Variants in LRRTM4 observed in about 807,000 individuals in gnomAD.
The protein encoded by LRRTM4 is leucine rich repeat transmembrane neuronal 4, also known as leucine-rich repeat transmembrane neuronal protein 4.
In LRRTM4, 25 loss-of-function variants were observed where a neutral mutation model predicts 47.6. The observed-to-expected ratio is 0.53, with a 90% CI of 0.38 to 0.73. The LOEUF (loss-of-function observed/expected upper bound fraction) is 0.73, where lower values mean the gene tolerates loss of function less well. Among genes scored for constraint, LRRTM4 ranks in the 30% least tolerant of loss-of-function variants. LRRTM4 has a pLI of 0.00. For missense variants in LRRTM4, 638 were observed against 713.4 expected, an observed-to-expected ratio of 0.89 and a Z score of 1.20; for synonymous variants, 311 against 269.5, an observed-to-expected ratio of 1.15 and a Z score of -1.51.
chr2:77,408,209 T>C (rs1674287081), intron 3 of LRRTM4, among the ~76,000 whole-genome samples: 1 of 152,146 alleles, frequency 6.6e-6, no homozygotes, highest in African/African-American at 2.4e-5. Flanking sequence ...TTTTCCTGTT[T>C]ACGTTTGTTT....
At chr2:77,079,892 AAATTT>A (rs1558567482) in intron 3 of LRRTM4, among the ~76,000 whole-genome samples, 2 of 152,060 alleles carry the variant, frequency 1.3e-5, no homozygotes, top group African/African-American at 2.4e-5. Context: ...AAAACATTTT[AAATTT>A]AATTTTATAT....
intron 3 of LRRTM4, among the ~76,000 whole-genome samples, chr2:77,330,266 AC>A (rs2104248677): frequency 6.6e-6 from 1 of 151,922 alleles, no homozygotes; most frequent in East Asian, 1.9e-4. Flanking sequence ...TTGTTTTTTT[AC>A]TCTTAATTGT....
At chr2:77,288,110 G>A (rs186098856) in intron 3 of LRRTM4, among the ~76,000 whole-genome samples, 1 of 151,936 alleles carries the variant, frequency 6.6e-6, no homozygotes, top group Admixed American at 6.6e-5. Context: ...TGACCCAAGA[G>A]AAATTCTAGA....
intron 3 of LRRTM4, among the ~76,000 whole-genome samples, chr2:77,334,781 C>T (rs1215174537): frequency 2.0e-5 from 3 of 152,130 alleles, no homozygotes; most frequent in African/African-American, 7.2e-5. Context: ...GCATGGTACT[C>T]GGAGATGAAC....
intron 3 of LRRTM4, among the ~76,000 whole-genome samples, chr2:77,096,419 GAA>G (rs927401757): frequency 4.0e-5 from 6 of 151,190 alleles, no homozygotes; most frequent in Admixed American, 3.9e-4. Flanking sequence ...CAGGAGTAAA[GAA>G]AAAAACTCAG....
chr2:76,988,409 C>G (rs1249014425), intron 3 of LRRTM4, among the ~76,000 whole-genome samples: 1 of 151,730 alleles, frequency 6.6e-6, no homozygotes, highest in Admixed American at 6.6e-5. Flanking sequence ...ATATCCTTGA[C>G]CCAGCTGCTA....
At chr2:77,409,844 C>T (rs945457554) in intron 3 of LRRTM4, among the ~76,000 whole-genome samples, 5 of 152,156 alleles carry the variant, frequency 3.3e-5, no homozygotes, top group African/African-American at 4.8e-5. Flanking sequence ...GCAACCTTCT[C>T]GTGAAGCTCT....
intron 3 of LRRTM4, among the ~76,000 whole-genome samples, chr2:77,083,783 CTTTTTTT>C (rs386390525): frequency 0.012 from 639 of 52,380 alleles, 71 homozygotes; most frequent in African/African-American, 0.029. Context: ...ACTGGACACA[CTTTTTTT>C]TTTTTTTTTT....
intron 3 of LRRTM4, among the ~76,000 whole-genome samples, chr2:76,771,241 A>G (rs1052135355): frequency 6.6e-6 from 1 of 152,240 alleles, no homozygotes; most frequent in Admixed American, 6.5e-5. Context: ...GGAGAGCCAC[A>G]GGAGTTGGAA....
At chr2:76,801,775 C>A (rs112675161) in intron 3 of LRRTM4, among the ~76,000 whole-genome samples, 10 of 152,030 alleles carry the variant, frequency 6.6e-5, no homozygotes, top group African/African-American at 1.9e-4. Flanking sequence ...TCATTCACCA[C>A]GATCAAATGA....
intron 3 of LRRTM4, among the ~76,000 whole-genome samples, chr2:76,871,556 T>C (rs1241059284): frequency 2.6e-5 from 4 of 152,176 alleles, no homozygotes; most frequent in Non-Finnish European, 5.9e-5. Flanking sequence ...TACATTTGTA[T>C]GGTAGACAGG....
At chr2:77,260,758 A>T (rs1159807453) in intron 3 of LRRTM4, among the ~76,000 whole-genome samples, 1 of 152,066 alleles carries the variant, frequency 6.6e-6, no homozygotes, top group Non-Finnish European at 1.5e-5. Context: ...AATTGTAATT[A>T]TCCAATTTAG....
At chr2:77,083,412 T>C (rs765611768) in intron 3 of LRRTM4, among the ~76,000 whole-genome samples, 6 of 152,152 alleles carry the variant, frequency 3.9e-5, no homozygotes, top group South Asian at 2.1e-4. Context: ...AGATGTGCCA[T>C]AGACTGAAGT....
At chr2:76,916,384 CAAAAAAAAAAAAAA>C (rs57874749) in intron 3 of LRRTM4, among the ~76,000 whole-genome samples, 2 of 53,508 alleles carry the variant, frequency 3.7e-5, no homozygotes, top group South Asian at 1.2e-3. Flanking sequence ...GACTGTGTCT[CAAAAAAAAAAAAAA>C]AAAAAAAAAG....
At chr2:76,874,667 T>C (rs1240024379) in intron 3 of LRRTM4, among the ~76,000 whole-genome samples, 1 of 151,942 alleles carries the variant, frequency 6.6e-6, no homozygotes, top group Admixed American at 6.6e-5. Flanking sequence ...CTATTTTAGA[T>C]AGTGATTCAG....
chr2:77,092,411 G>A (rs1004677025), intron 3 of LRRTM4, among the ~76,000 whole-genome samples: 1 of 149,362 alleles, frequency 6.7e-6, no homozygotes, highest in Non-Finnish European at 1.5e-5. Context: ...GGCAGGTTAT[G>A]CTATAGTACA....
chr2:76,872,998 G>A (rs187929831), intron 3 of LRRTM4, among the ~76,000 whole-genome samples: 5 of 152,202 alleles, frequency 3.3e-5, no homozygotes, highest in African/African-American at 9.6e-5. Flanking sequence ...AGATATTGAT[G>A]CCATGCTTCT....
chr2:77,181,976 A>G (rs1376590733), intron 3 of LRRTM4, among the ~76,000 whole-genome samples: 3 of 152,132 alleles, frequency 2.0e-5, no homozygotes, highest in Admixed American at 2.0e-4. Context: ...GTTGGTGGCA[A>G]TGTAAATTAG....
chr2:76,900,852 A>T (rs1373531936), intron 3 of LRRTM4, among the ~76,000 whole-genome samples: 3 of 152,192 alleles, frequency 2.0e-5, no homozygotes, highest in Non-Finnish European at 4.4e-5. Flanking sequence ...GAGTCCTCTG[A>T]CATTTAATTA....
Sources: gnomAD v4.1 joint callset for allele counts (sites outside exome capture counted in the v4.1 genomes callset) on GRCh38, gnomAD v4.1.1 for gene constraint, MANE v1.5 for transcripts, NCBI Gene and HGNC (gene_info 2026-07-23, HGNC 2026-07-21) for gene names.